BAG4: variants seen among roughly 807,000 people sequenced by gnomAD.
BAG4 encodes BAG cochaperone 4.
In BAG4, 28 loss-of-function variants were observed where a neutral mutation model predicts 52.1. The ratio of observed to expected loss-of-function variants is 0.54; its 90% CI spans 0.40 to 0.74. The LOEUF is 0.74. BAG4 is among the 30% of genes least tolerant of loss of function. The probability of loss-of-function intolerance (pLI) is 0.00; values close to 1 mark genes in which losing one functional copy is unlikely to be tolerated. For synonymous variants in BAG4, 208 were observed against 217.0 expected (o/e 0.96, Z 0.37); for missense variants, 525 against 572.0 (o/e 0.92, Z 0.84).
At chr8:38,185,089 C>CAAAA (rs1212526970) in intron 1 of BAG4, among the ~76,000 whole-genome samples, 1 of 101,486 alleles carries the variant, frequency 9.9e-6, no homozygotes, top group African/African-American at 3.9e-5. Flanking sequence ...GACTCTGTCT[C>CAAAA]AAAAAAAAAA....
intron 1 of BAG4, among the ~76,000 whole-genome samples, chr8:38,184,486 A>T (rs1003186675): frequency 5.9e-5 from 9 of 151,530 alleles, no homozygotes; most frequent in South Asian, 2.1e-4. Flanking sequence ...AAAATAAAAT[A>T]AAATAAAATA....
At chr8:38,187,157 A>G (rs1052319302) in intron 1 of BAG4, among the ~76,000 whole-genome samples, 1 of 152,264 alleles carries the variant, frequency 6.6e-6, no homozygotes, top group Non-Finnish European at 1.5e-5. Context: ...CAAAGTAGCC[A>G]TTATATATGT....
intron 1 of BAG4, 118 bp downstream of exon 1, chr8:38,177,257 G>A (rs905419340): frequency 1.0e-5 from 14 of 1,377,198 alleles, no homozygotes; most frequent in Non-Finnish European, 1.4e-5. Flanking sequence ...TGCGGGGGGT[G>A]TTGGAGAGAC....
At position 38,210,612 on chromosome 8, in the gene BAG4, C is replaced by A. The variant is rs1287072535; in HGVS notation, c.*119C>A. The A allele has an allele frequency of 7.7e-7, 1 of 1,306,012 alleles. No individual in the cohort carries two copies. The highest frequency in any genetic ancestry group is 1.0e-6 in the Non-Finnish European group (1 of 978,062). 80.9% of individuals were successfully genotyped at this position (1,306,012 alleles called of 1,614,324 possible). ...CAAGAAGCAATACATTCCAGCTTTC[C>A]TTTGATTTTATACTTGAAAAACTGG... is the stretch of plus-strand genomic sequence containing the variant. On this transcript the variant is annotated 3_prime_UTR_variant, in exon 5 of 5. Transcript: ENST00000287322.
At chr8:38,207,365 G>T in intron 2 of BAG4, 147 bp from the exon 3 acceptor site, 3 of 876,712 alleles carry the variant, frequency 3.4e-6, no homozygotes, top group Non-Finnish European at 3.4e-6. Flanking sequence ...GGCTCCCAAA[G>T]TGCTGGGATT....
chr8:38,180,049 G>C (rs1314245710), intron 1 of BAG4, among the ~76,000 whole-genome samples: 1 of 152,160 alleles, frequency 6.6e-6, no homozygotes, highest in Non-Finnish European at 1.5e-5. Flanking sequence ...TGTGGTTTGA[G>C]TACATTTGTG....
chr8:38,180,380 A>G (rs1370724567), intron 1 of BAG4, among the ~76,000 whole-genome samples: 3 of 151,792 alleles, frequency 2.0e-5, no homozygotes, highest in Admixed American at 6.6e-5. Context: ...AAAATTAGCC[A>G]GGCATGGTGG....
chr8:38,187,748 T>C (rs1033166050), intron 1 of BAG4, among the ~76,000 whole-genome samples: 3 of 150,874 alleles, frequency 2.0e-5, no homozygotes, highest in African/African-American at 4.9e-5. Flanking sequence ...CCCAGCTGGG[T>C]GCTGTGGCTC....
intron 2 of BAG4, among the ~76,000 whole-genome samples, chr8:38,205,935 T>C (rs1039154566): frequency 6.6e-6 from 1 of 151,864 alleles, no homozygotes; most frequent in Admixed American, 6.6e-5. Flanking sequence ...TTTTTTTTTT[T>C]TTAAATAGAT....
intron 1 of BAG4, among the ~76,000 whole-genome samples, chr8:38,183,060 T>TC: frequency 6.8e-6 from 1 of 148,130 alleles, no homozygotes; most frequent in South Asian, 2.2e-4. Context: ...TTTTTTTTTT[T>TC]TTTAGACAGA....
intron 1 of BAG4, 77 bp downstream of exon 1, chr8:38,177,216 AC>A: frequency 6.4e-7 from 1 of 1,566,120 alleles, no homozygotes; most frequent in South Asian, 1.2e-5. Flanking sequence ...CGGGTTTCAT[AC>A]TTGTTTTCCT....
At position 38,198,649 on chromosome 8, in the gene BAG4, C is replaced by T. The variant is rs575087199; in HGVS notation, c.378+5854C>T. ...GACTACAGGCGCCCACCACCACGCC[C>T]GGCTAATTTTTTGTATTTTTAGTGG... is the stretch of plus-strand genomic sequence containing the variant. On this transcript the variant is annotated intron_variant, in intron 2 of 4. Coordinates refer to ENST00000287322, the MANE Select transcript of BAG4 (RefSeq NM_004874.4). Among the ~76,000 whole-genome samples, 315 of 151,386 alleles carry T rather than the reference C, an allele frequency of 2.1e-3. 3 individuals carry two copies. The highest frequency in any genetic ancestry group is 3.1e-3 in the Admixed American group (47 of 15,148).
At chr8:38,184,150 G>T (rs1389197458) in intron 1 of BAG4, among the ~76,000 whole-genome samples, 1 of 152,128 alleles carries the variant, frequency 6.6e-6, no homozygotes, top group Non-Finnish European at 1.5e-5. Flanking sequence ...AAGGGAAGAG[G>T]TTGGAGTGAT....
chr8:38,194,503 G>A (rs1431592541), intron 2 of BAG4, among the ~76,000 whole-genome samples: 1 of 137,760 alleles, frequency 7.3e-6, no homozygotes, highest in Admixed American at 8.1e-5. Context: ...TGCAACCTCC[G>A]CCTCTCAGGT....
At chr8:38,198,469 TTTTTTTG>T (rs1394648343) in intron 2 of BAG4, among the ~76,000 whole-genome samples, 2 of 149,884 alleles carry the variant, frequency 1.3e-5, no homozygotes, top group African/African-American at 4.9e-5. Flanking sequence ...GTTTTTAAGG[TTTTTTTG>T]TTTTTTGTTT....
At chr8:38,204,389 G>A (rs1447331383) in intron 2 of BAG4, among the ~76,000 whole-genome samples, 1 of 151,894 alleles carries the variant, frequency 6.6e-6, no homozygotes. Context: ...GCATGGTGGT[G>A]CATGCCTGTG....
chr8:38,187,440 A>T (rs1292718093), intron 1 of BAG4, among the ~76,000 whole-genome samples: 2 of 152,174 alleles, frequency 1.3e-5, no homozygotes, highest in Non-Finnish European at 2.9e-5. Context: ...TGTGTTGGAG[A>T]AGTGTCAGAC....
chr8:38,198,363 AAC>A (rs2130680831), intron 2 of BAG4, among the ~76,000 whole-genome samples: 1 of 147,234 alleles, frequency 6.8e-6, no homozygotes, highest in South Asian at 2.2e-4. Flanking sequence ...CAGCCTGGGC[AAC>A]AGAGCGAGAC....
chr8:38,203,445 G>A (rs1383132655), intron 2 of BAG4, among the ~76,000 whole-genome samples: 1 of 151,976 alleles, frequency 6.6e-6, no homozygotes, highest in Non-Finnish European at 1.5e-5. Flanking sequence ...ACCACGCCCA[G>A]CTAATTTTTT....
Sources: allele counts gnomAD v4.1 joint callset (sites outside exome capture counted in the v4.1 genomes callset), GRCh38; gene constraint gnomAD v4.1.1; transcripts MANE v1.5; gene names NCBI Gene and HGNC (gene_info 2026-07-23, HGNC 2026-07-21).